DTNA: variants seen among roughly 807,000 people sequenced by gnomAD.
DTNA encodes the protein dystrophin-related protein 3.
DTNA carries 43 observed loss-of-function variants against 100.7 expected under a neutral mutation model. The ratio of observed to expected loss-of-function variants is 0.43; its 90% CI spans 0.33 to 0.55. DTNA has a LOEUF of 0.55. Among genes scored for constraint, DTNA ranks in the 20% least tolerant of loss-of-function variants. The pLI, the probability that DTNA is intolerant of heterozygous loss-of-function variation, is 0.04. For synonymous variants in DTNA, 349 were observed against 347.9 expected, an observed-to-expected ratio of 1.00 and a Z score of -0.04; for missense variants, 798 against 953.9, an observed-to-expected ratio of 0.84 and a Z score of 2.15.
chr18:34,578,402 A>ATT (rs139415432), intron 1 of DTNA, among the ~76,000 whole-genome samples: 1 of 148,922 alleles, frequency 6.7e-6, no homozygotes, highest in Non-Finnish European at 1.5e-5. Context: ...TACATTGTGA[A>ATT]TTTTTTTTTT....
At chr18:34,713,273 G>A (rs12957215) in intron 1 of DTNA, among the ~76,000 whole-genome samples, 7,786 of 152,112 alleles carry the variant, frequency 0.051, 316 homozygotes, top group Non-Finnish European at 0.08. Context: ...AATTACTAAT[G>A]GGTAGTATGA....
At chr18:34,574,693 G>A (rs777842715) in intron 1 of DTNA, among the ~76,000 whole-genome samples, 2 of 152,134 alleles carry the variant, frequency 1.3e-5, no homozygotes, top group Non-Finnish European at 2.9e-5. Flanking sequence ...CAGTAATGAT[G>A]TGATCATAGC....
At chr18:34,602,156 T>TATAGTTTTA (rs2052000938) in intron 1 of DTNA, among the ~76,000 whole-genome samples, 7 of 152,214 alleles carry the variant, frequency 4.6e-5, no homozygotes, top group East Asian at 1.9e-4. Flanking sequence ...TTTTAAGCAC[T>TATAGTTTTA]AACTATAATC....
chr18:34,721,271 A>G (rs2085256717), intron 1 of DTNA, among the ~76,000 whole-genome samples: 1 of 152,228 alleles, frequency 6.6e-6, no homozygotes, highest in Admixed American at 6.5e-5. Context: ...GCTATTACAA[A>G]TAAAGAACTC....
chr18:34,734,427 GC>G (rs762571520), intron 1 of DTNA, among the ~76,000 whole-genome samples: 3 of 152,140 alleles, frequency 2.0e-5, no homozygotes, highest in Non-Finnish European at 4.4e-5. Context: ...ATTCCAAGTT[GC>G]AGGGTCCCAT....
At chr18:34,812,350 C>T (rs1034405517) in intron 6 of DTNA, among the ~76,000 whole-genome samples, 1 of 152,066 alleles carries the variant, frequency 6.6e-6, no homozygotes, top group Non-Finnish European at 1.5e-5. Context: ...AAATTTTTTC[C>T]TTTCATTGTC....
intron 3 of DTNA, among the ~76,000 whole-genome samples, chr18:34,792,789 C>T (rs2094805875): frequency 6.6e-6 from 1 of 152,110 alleles, no homozygotes; most frequent in African/African-American, 2.4e-5. Flanking sequence ...CTGTGAAACC[C>T]AGCCTTTTCA....
intron 1 of DTNA, among the ~76,000 whole-genome samples, chr18:34,558,560 A>C (rs1429736880): frequency 1.3e-5 from 2 of 152,230 alleles, no homozygotes; most frequent in Non-Finnish European, 1.5e-5. Flanking sequence ...ATACACAAAT[A>C]TGAAATGAAT....
intron 1 of DTNA, among the ~76,000 whole-genome samples, chr18:34,671,984 A>G (rs2076820042): frequency 6.6e-6 from 1 of 152,204 alleles, no homozygotes; most frequent in South Asian, 2.1e-4. Context: ...TTTAAAAGCT[A>G]GTTAGACTAA....
chr18:34,544,544 T>G (rs974162346), intron 1 of DTNA, among the ~76,000 whole-genome samples: 1 of 152,136 alleles, frequency 6.6e-6, no homozygotes, highest in Non-Finnish European at 1.5e-5. Context: ...ATTGTGGACC[T>G]TCTATGGAAC....
chr18:34,555,006 G>C (rs1601796832), intron 1 of DTNA, among the ~76,000 whole-genome samples: 1 of 126,640 alleles, frequency 7.9e-6, no homozygotes, highest in East Asian at 2.1e-4. Flanking sequence ...ATCTGGTCCT[G>C]GACTCTTTTT....
At chr18:34,819,558 A>G (rs1180974424) in intron 8 of DTNA, among the ~76,000 whole-genome samples, 1 of 152,240 alleles carries the variant, frequency 6.6e-6, no homozygotes, top group Non-Finnish European at 1.5e-5. Context: ...ATATCCTAAA[A>G]GATTTGATGT....
Position 34,688,108 on chromosome 18 carries a change from G to A in DTNA, c.-1-67868G>A, listed in dbSNP as rs367982834. 3.3e-5 allele frequency among the ~76,000 whole-genome samples: 5 copies of A among 152,116 alleles called. No homozygotes were observed. The East Asian group carries it at 7.7e-4, about 23-fold the overall frequency. On this transcript the variant is annotated intron_variant, in intron 1 of 19. Coordinates refer to the DTNA transcript ENST00000283365. The stretch of plus-strand genomic sequence containing the variant: ...GACTCTTTATCCGATTTGCCAGTCT[G>A]TGCCTTTTCATTGGAGCATTTAGCC...
chr18:34,738,738 T>G (rs1234278785), intron 1 of DTNA, among the ~76,000 whole-genome samples: 1 of 152,202 alleles, frequency 6.6e-6, no homozygotes, highest in Non-Finnish European at 1.5e-5. Context: ...GTCTGCTTAG[T>G]CATGCCTTTT....
intron 1 of DTNA, among the ~76,000 whole-genome samples, chr18:34,732,039 C>G (rs2088373108): frequency 6.6e-6 from 1 of 152,154 alleles, no homozygotes; most frequent in African/African-American, 2.4e-5. Context: ...TCAGTCTCCT[C>G]CCTATCCAAG....
intron 3 of DTNA, among the ~76,000 whole-genome samples, chr18:34,767,290 C>A (rs2093534093): frequency 6.6e-6 from 1 of 152,054 alleles, no homozygotes; most frequent in Non-Finnish European, 1.5e-5. Flanking sequence ...GGGCCCTGGG[C>A]AGGTCACCTT....
chr18:34,873,942 G>T (rs1044925791), intron 17 of DTNA, among the ~76,000 whole-genome samples: 1 of 152,208 alleles, frequency 6.6e-6, no homozygotes, highest in Non-Finnish European at 1.5e-5. Flanking sequence ...AGGTACTGTT[G>T]AGAGTGAAAG....
chr18:34,579,881 A>G (rs1451730757), intron 1 of DTNA, among the ~76,000 whole-genome samples: 2 of 152,128 alleles, frequency 1.3e-5, no homozygotes, highest in East Asian at 1.9e-4. Flanking sequence ...TTGTTCACCT[A>G]TCATCTTTTC....
intron 1 of DTNA, among the ~76,000 whole-genome samples, chr18:34,532,141 G>C (rs1209853250): frequency 6.6e-6 from 1 of 152,104 alleles, no homozygotes; most frequent in East Asian, 1.9e-4. Flanking sequence ...AGTGCACAAG[G>C]CAATGGGAGA....
Sources: gnomAD v4.1 joint callset for allele counts (sites outside exome capture counted in the v4.1 genomes callset) on GRCh38, gnomAD v4.1.1 for gene constraint, MANE v1.5 for transcripts, NCBI Gene and HGNC (gene_info 2026-07-23, HGNC 2026-07-21) for gene names.